The following SCFD2 variants were observed in gnomAD, a reference collection of about 807,000 sequenced individuals.
SCFD2 encodes the protein sec1 family domain containing 2, also known as sec1 family domain-containing protein 2.
In SCFD2, 54 loss-of-function variants were observed where a neutral mutation model predicts 58.9. The ratio of observed to expected loss-of-function variants is 0.92; its 90% CI spans 0.74 to 1.15. The LOEUF is 1.15. Ranked by LOEUF, SCFD2 falls within the 50% of genes most tolerant of loss-of-function variation. SCFD2 has a pLI of 0.00. For missense variants in SCFD2, 805 were observed against 836.6 expected, an observed-to-expected ratio of 0.96 and a Z score of 0.47; for synonymous variants, 321 against 335.9, an observed-to-expected ratio of 0.96 and a Z score of 0.49.
intron 5 of SCFD2, among the ~76,000 whole-genome samples, chr4:53,103,991 T>C (rs1171152018): frequency 2.0e-5 from 3 of 150,462 alleles, no homozygotes; most frequent in Non-Finnish European, 1.5e-5. Context: ...AAATAAATAA[T>C]TGATTAAGTA....
At chr4:53,220,910 G>A (rs1729028491) in intron 4 of SCFD2, among the ~76,000 whole-genome samples, 2 of 152,124 alleles carry the variant, frequency 1.3e-5, no homozygotes, top group Admixed American at 1.3e-4. Flanking sequence ...TTCCAATAAA[G>A]CTAAACAAAA....
chr4:53,214,234 G>T lies in SCFD2; in HGVS notation c.1311+59592C>A, dbSNP rs571131837. Among the ~76,000 whole-genome samples the T allele has an allele frequency of 5.9e-5, 9 of 152,248 alleles. No homozygotes were observed. In the East Asian group the frequency reaches 1.2e-3, roughly 20 times the overall value. On this transcript the variant is annotated intron_variant, in intron 4 of 8. Transcript: ENST00000401642. ...CAGATCCCTGAGGAATCGCCACACT[G>T]ACTTCCACAATGGTTGAACTAGTTT...
chr4:53,236,414 T>C (rs1729610767), intron 4 of SCFD2, among the ~76,000 whole-genome samples: 1 of 150,396 alleles, frequency 6.6e-6, no homozygotes, highest in African/African-American at 2.4e-5. Flanking sequence ...ATATATATGA[T>C]ATATTTATTA....
intron 5 of SCFD2, among the ~76,000 whole-genome samples, chr4:53,097,880 G>T (rs954149439): frequency 2.6e-5 from 4 of 152,176 alleles, no homozygotes; most frequent in African/African-American, 9.7e-5. Context: ...ATTATTTTGA[G>T]ATATGTCCAA....
chr4:53,294,672 T>C (rs759567182), intron 3 of SCFD2, among the ~76,000 whole-genome samples: 7 of 152,238 alleles, frequency 4.6e-5, no homozygotes, highest in African/African-American at 7.2e-5. Context: ...TTTTGGCTTC[T>C]GTTGCCATTG....
chr4:52,885,512 A>G (rs1386697279), intron 8 of SCFD2, among the ~76,000 whole-genome samples: 1 of 152,220 alleles, frequency 6.6e-6, no homozygotes, highest in Non-Finnish European at 1.5e-5. Flanking sequence ...GACTTTATCA[A>G]AATGACCCAG....
At chr4:53,016,988 A>G (rs538426077) in intron 5 of SCFD2, among the ~76,000 whole-genome samples, 1 of 152,256 alleles carries the variant, frequency 6.6e-6, no homozygotes, top group South Asian at 2.1e-4. Context: ...CACACCTATA[A>G]TCGCAGCTAC....
At chr4:52,899,832 G>A (rs1353108067) in intron 7 of SCFD2, among the ~76,000 whole-genome samples, 2 of 152,096 alleles carry the variant, frequency 1.3e-5, no homozygotes, top group Non-Finnish European at 2.9e-5. Flanking sequence ...CATATTTCTT[G>A]GAGGCTTTGT....
chr4:53,357,904 C>G (rs1047696030), intron 1 of SCFD2, among the ~76,000 whole-genome samples: 8 of 152,320 alleles, frequency 5.3e-5, no homozygotes, highest in Non-Finnish European at 1.0e-4. Flanking sequence ...CTGGAGCAAA[C>G]TGCCAAGGTT....
At chr4:53,275,197 C>T (rs560271335) in intron 3 of SCFD2, among the ~76,000 whole-genome samples, 1 of 152,346 alleles carries the variant, frequency 6.6e-6, no homozygotes, top group African/African-American at 2.4e-5. Context: ...GCAGATATCA[C>T]TTAATAAATG....
chr4:52,959,732 A>T (rs1329673472), intron 5 of SCFD2, among the ~76,000 whole-genome samples: 2 of 152,220 alleles, frequency 1.3e-5, no homozygotes, highest in African/African-American at 4.8e-5. Context: ...GAATGCAAAA[A>T]CAAGATGACA....
intron 5 of SCFD2, among the ~76,000 whole-genome samples, chr4:53,033,776 C>T (rs533406592): frequency 3.3e-5 from 5 of 152,102 alleles, no homozygotes; most frequent in African/African-American, 9.7e-5. Flanking sequence ...AGGAAGAAAT[C>T]GAATCCCTGA....
At position 53,212,425 on chromosome 4, in the gene SCFD2, T is replaced by C. The variant is rs189617612; in HGVS notation, c.1311+61401A>G. On this transcript the variant is annotated intron_variant, in intron 4 of 8. Transcript: ENST00000401642. ...CATGTCACTTCCCAAACCAATAACA[T>C]AGTCCAGGAAAGGCTGGAAACAGTA... Among the ~76,000 whole-genome samples, 28 of 149,768 alleles carry C rather than the reference T, an allele frequency of 1.9e-4. No individual in the cohort carries two copies. The East Asian group carries it at 5.3e-3, about 28-fold the overall frequency.
At chr4:53,128,272 T>C (rs902717883) in intron 5 of SCFD2, among the ~76,000 whole-genome samples, 11 of 152,174 alleles carry the variant, frequency 7.2e-5, no homozygotes, top group African/African-American at 2.4e-4. Flanking sequence ...ATGGCTTTTG[T>C]TCTGTTCTAA....
chr4:53,217,011 C>T (rs1228435303), intron 4 of SCFD2, among the ~76,000 whole-genome samples: 2 of 152,142 alleles, frequency 1.3e-5, no homozygotes, highest in African/African-American at 2.4e-5. Context: ...GTCTGAGAGA[C>T]AGTTTGTTAT....
rs144331896 is a variant in SCFD2 at position 53,212,228 on chromosome 4, T to A, written c.1311+61598A>T. On this transcript the variant is annotated intron_variant, in intron 4 of 8. Transcript: ENST00000401642. ...CCCTCAAAATCAAACGCTCCTTTCC[T>A]ACCCCAAAGTCGGTAAAGTTAACCA... 2.9e-3 allele frequency among the ~76,000 whole-genome samples: 438 copies of A among 152,148 alleles called. 4 individuals carry two copies. Among genetic ancestry groups the A allele is most frequent in the African/African-American group, 0.01 (416 of 41,452 alleles).
intron 4 of SCFD2, among the ~76,000 whole-genome samples, chr4:53,251,693 C>A (rs1411539936): frequency 1.3e-5 from 2 of 151,820 alleles, no homozygotes; most frequent in African/African-American, 4.8e-5. Context: ...ACCCTTCATG[C>A]TAAAAACTCT....
intron 4 of SCFD2, among the ~76,000 whole-genome samples, chr4:53,252,417 G>T: frequency 6.6e-6 from 1 of 151,396 alleles, no homozygotes; most frequent in African/African-American, 2.4e-5. Flanking sequence ...AAAAGAGCCC[G>T]CATCGCCAAG....
At chr4:53,084,103 T>A (rs1724231467) in intron 5 of SCFD2, among the ~76,000 whole-genome samples, 1 of 149,702 alleles carries the variant, frequency 6.7e-6, no homozygotes, top group Non-Finnish European at 1.5e-5. Flanking sequence ...CAGGGTGGAG[T>A]TTTTCCCCAC....
Sources: gnomAD v4.1 joint callset for allele counts (sites outside exome capture counted in the v4.1 genomes callset) on GRCh38, gnomAD v4.1.1 for gene constraint, MANE v1.5 for transcripts, NCBI Gene and HGNC (gene_info 2026-07-23, HGNC 2026-07-21) for gene names.